DEFB114: variants seen among roughly 807,000 people sequenced by gnomAD.
DEFB114 encodes the protein beta-defensin 114.
DEFB114 carries 4 observed loss-of-function variants against 2.4 expected under a neutral mutation model. The ratio of observed to expected loss-of-function variants is 1.67; its 90% confidence interval spans 0.82 to 3.82. The LOEUF (loss-of-function observed/expected upper bound fraction) is 3.82. DEFB114 is among the 30% of genes most tolerant of loss of function. DEFB114 has a pLI of 0.01. For synonymous variants in DEFB114, 35 were observed against 24.6 expected, an observed-to-expected ratio of 1.42 and a Z score of -1.26; for missense variants, 113 against 85.8, an observed-to-expected ratio of 1.32 and a Z score of -1.25.
chr6:49,964,024 C>G, intron 1 of DEFB114, 27 bp downstream of exon 1: 1 of 1,509,708 alleles, frequency 6.6e-7, no homozygotes, highest in Non-Finnish European at 9.0e-7. Context: ...AAGTTTTACA[C>G]AAATATAACA....
chr6:49,964,013 G>A, intron 1 of DEFB114, 38 bp downstream of exon 1: 1 of 1,419,170 alleles, frequency 7.0e-7, no homozygotes, highest in Non-Finnish European at 9.7e-7. Flanking sequence ...TTTCTAGTGA[G>A]AAGTTTTACA....
Position 49,961,999 on chromosome 6 carries a change from G to A in DEFB114, c.56-1553C>T, listed in dbSNP as rs193007157. On this transcript the variant is annotated intron_variant, in intron 1 of 1. Coordinates refer to ENST00000322066, the MANE Select transcript of DEFB114 (RefSeq NM_001037499.2). ...ATAGTGGACTGTTACATACATATAC[G>A]ACATTTTAGCCTTATCTGCTGATGA... 3.3e-5 allele frequency among the ~76,000 whole-genome samples: 5 copies of A among 150,524 alleles called. No individual in the cohort carries two copies. In the East Asian group the frequency reaches 7.8e-4, roughly 24 times the overall value.
intron 1 of DEFB114, among the ~76,000 whole-genome samples, chr6:49,961,094 A>G (rs1773452982): frequency 6.6e-6 from 1 of 150,884 alleles, no homozygotes; most frequent in Non-Finnish European, 1.5e-5. Flanking sequence ...TTTGTCTGTC[A>G]TATATGTCAC....
At chr6:49,962,487 G>C (rs1440005795) in intron 1 of DEFB114, among the ~76,000 whole-genome samples, 2 of 150,168 alleles carry the variant, frequency 1.3e-5, no homozygotes, top group African/African-American at 4.8e-5. Context: ...ATATATTCTA[G>C]TTGTGTTCCT....
chr6:49,960,528 A>G, intron 1 of DEFB114, 82 bp from the exon 2 acceptor site: 1 of 1,404,974 alleles, frequency 7.1e-7, no homozygotes, highest in Non-Finnish European at 9.5e-7. Context: ...TATGATGTGT[A>G]CATTGTATCA....
Position 49,964,140 on chromosome 6 carries a change from A to G in DEFB114, c.-35T>C. 1 of 1,468,858 alleles carries G rather than the reference A, an allele frequency of 6.8e-7. No individual in the cohort carries two copies. Among genetic ancestry groups the G allele is most frequent in the Non-Finnish European group, 9.3e-7 (1 of 1,069,772 alleles). 91.0% of individuals were successfully genotyped at this position (1,468,858 alleles called of 1,614,324 possible). On this transcript the variant is annotated 5_prime_UTR_variant, in exon 1 of 2. Transcript: ENST00000322066. ...AGAAGTTGTTGAAAGACTTGATAACAGAATATAGAGACTATAGAACTTTCC... is the reference window on the plus strand; with the variant it reads ...AGAAGTTGTTGAAAGACTTGATAACGGAATATAGAGACTATAGAACTTTCC...
chr6:49,963,191 A>G (rs1478632085), intron 1 of DEFB114, among the ~76,000 whole-genome samples: 1 of 150,206 alleles, frequency 6.7e-6, no homozygotes, highest in Non-Finnish European at 1.5e-5. Flanking sequence ...TGATCAGGAC[A>G]TTACAAGAAA....
At chr6:49,963,911 G>A (rs1242451794) in intron 1 of DEFB114, 140 bp downstream of exon 1, 1 of 613,364 alleles carries the variant, frequency 1.6e-6, no homozygotes, top group African/African-American at 1.9e-5. Context: ...TATCAATGAG[G>A]AAACCAAGAT....
intron 1 of DEFB114, among the ~76,000 whole-genome samples, chr6:49,962,419 A>G (rs1007815007): frequency 5.3e-5 from 8 of 150,452 alleles, no homozygotes; most frequent in Non-Finnish European, 9.0e-5. Flanking sequence ...AAAGTGATCC[A>G]TCTTTGGTTT....
chr6:49,962,132 G>T (rs1423565062), intron 1 of DEFB114, among the ~76,000 whole-genome samples: 1 of 150,532 alleles, frequency 6.6e-6, no homozygotes, highest in Non-Finnish European at 1.5e-5. Context: ...CAATGGTAAG[G>T]TGTCTACATA....
intron 1 of DEFB114, among the ~76,000 whole-genome samples, chr6:49,963,826 A>T (rs976608845): frequency 1.7e-4 from 25 of 150,000 alleles, no homozygotes; most frequent in African/African-American, 6.1e-4. Context: ...AAATTGAAAG[A>T]TGTTGTCTTC....
rs1045101882 is a variant in DEFB114, at chr6:49,963,901, T to C, written c.55+150A>G. ...GTACAGTACACCAGTATAATGATAT[T>C]ATCAATGAGGAAACCAAGATTCAGT... On this transcript the variant is annotated intron_variant, in intron 1 of 1. Coordinates refer to ENST00000322066, the MANE Select transcript of DEFB114 (RefSeq NM_001037499.2). The C allele has an allele frequency of 3.8e-5, 22 of 581,750 alleles. No homozygotes were observed. The African/African-American group carries it at 3.9e-4, about 10-fold the overall frequency. 36.0% of individuals were successfully genotyped at this position (581,750 alleles called of 1,614,324 possible).
In DEFB114 at chr6:49,960,256, C is replaced by T. The variant is rs1338943126; in HGVS notation, c.*36G>A. 3 of 1,560,822 alleles carry T rather than the reference C, an allele frequency of 1.9e-6. No individual in the cohort carries two copies. The highest frequency in any genetic ancestry group is 2.3e-5 in the East Asian group (1 of 43,142). On this transcript the variant is annotated 3_prime_UTR_variant, in exon 2 of 2. Coordinates refer to ENST00000322066, the MANE Select transcript of DEFB114 (RefSeq NM_001037499.2). The stretch of plus-strand genomic sequence containing the variant: ...TCCCACACCTCTCTGCACTGGTGCA[C>T]ATGTAACTTCTTTGTTCAGAGGTAT...
intron 1 of DEFB114, among the ~76,000 whole-genome samples, 170 bp from the exon 2 acceptor site, chr6:49,960,616 A>T (rs921816857): frequency 2.7e-5 from 4 of 150,930 alleles, no homozygotes; most frequent in Non-Finnish European, 5.9e-5. Context: ...TATACCCCAA[A>T]TATATATAAC....
Position 49,960,407 on chromosome 6 carries a change from C to T in DEFB114, c.95G>A (p.Arg32His), listed in dbSNP as rs141697166. 2.7e-5 allele frequency: 44 copies of T among 1,606,766 alleles called. No homozygotes were observed. The highest frequency in any genetic ancestry group is 1.0e-4 in the Admixed American group (6 of 59,318). The change falls in exon 2 of 2, where the codon CGT becomes CAT. Residue 32 changes from arginine to histidine, a missense_variant. By Grantham distance (29) the Arg-to-His change is conservative (BLOSUM62 0). Coordinates refer to ENST00000322066, the MANE Select transcript of DEFB114 (RefSeq NM_001037499.2). ...ACAGTCTCTTTTACAACGACCGTAA[C>T]GTTTGGTGCAACGATCAGCATTCAC... ...TLVNADRCTK[R>H]YGRCKRDCLE... is the part of the protein sequence containing the mutation.
intron 1 of DEFB114, among the ~76,000 whole-genome samples, chr6:49,961,384 T>C (rs1232756711): frequency 6.6e-6 from 1 of 150,752 alleles, no homozygotes; most frequent in Non-Finnish European, 1.5e-5. Context: ...ACTTCATTTC[T>C]TTTAAATGAT....
chr6:49,960,444 T>C lies in DEFB114; in HGVS notation c.58A>G (p.Thr20Ala). 6.3e-7 allele frequency: 1 copy of C among 1,583,662 alleles called. No homozygotes were observed. The highest frequency in any genetic ancestry group is 8.6e-7 in the Non-Finnish European group (1 of 1,168,944). ...CGATCAGCATTCACCAAGGTACATG[T>C]GGCTACGGTAAAAGAAGAGTAACAG... Reference protein sequence around the residue: ...LCYVTFILPATCTLVNADRCT... With the variant: ...LCYVTFILPAACTLVNADRCT... The change falls in exon 2 of 2, where the codon ACA becomes GCA. Residue 20 changes from threonine (T) to alanine (A), a missense_variant and splice_region_variant. Transcript: ENST00000322066.
chr6:49,963,972 G>T (rs1183829741), intron 1 of DEFB114, 79 bp downstream of exon 1: 14 of 1,070,998 alleles, frequency 1.3e-5, no homozygotes, highest in Non-Finnish European at 1.8e-5. Flanking sequence ...TTAAAAATTT[G>T]CATTCTACAA....
At chr6:49,963,955 G>A in intron 1 of DEFB114, 96 bp downstream of exon 1, 2 of 869,342 alleles carry the variant, frequency 2.3e-6, no homozygotes, top group Non-Finnish European at 3.6e-6. Flanking sequence ...TAATTGATAA[G>A]ATTGCATTAA....
Sources: gnomAD v4.1 joint callset for allele counts (sites outside exome capture counted in the v4.1 genomes callset) on GRCh38, gnomAD v4.1.1 for gene constraint, MANE v1.5 for transcripts, NCBI Gene and HGNC (gene_info 2026-07-23, HGNC 2026-07-21) for gene names.